ADGRV1: variants seen among roughly 807,000 people sequenced by gnomAD.
ADGRV1 encodes the protein G-protein coupled receptor 98.
ADGRV1 carries 359 observed loss-of-function variants against 596.2 expected under a neutral mutation model. The ratio of observed to expected loss-of-function variants is 0.60; its 90% CI spans 0.55 to 0.66. The LOEUF (loss-of-function observed/expected upper bound fraction) is 0.66. ADGRV1 is among the 30% of genes least tolerant of loss of function. ADGRV1 has a pLI of 0.00. For synonymous variants in ADGRV1, 2,681 were observed against 2,679.2 expected, an observed-to-expected ratio of 1.00 and a Z score of -0.02; for missense variants, 7,274 against 7,575.6, an observed-to-expected ratio of 0.96 and a Z score of 1.48.
chr5:91,021,943 T>C (rs1783664518), intron 85 of ADGRV1, among the ~76,000 whole-genome samples: 1 of 152,036 alleles, frequency 6.6e-6, no homozygotes, highest in Admixed American at 6.6e-5. Flanking sequence ...TTGTAACTGA[T>C]TGCCTACCTG....
At chr5:90,861,785 A>C (rs1283660694) in intron 82 of ADGRV1, among the ~76,000 whole-genome samples, 1 of 152,208 alleles carries the variant, frequency 6.6e-6, no homozygotes, top group East Asian at 1.9e-4. Context: ...ATAAAAGATA[A>C]GTATTTAGTA....
intron 83 of ADGRV1, among the ~76,000 whole-genome samples, chr5:90,919,349 A>G (rs937227225): frequency 6.6e-6 from 1 of 152,190 alleles, no homozygotes; most frequent in African/African-American, 2.4e-5. Context: ...GACAGATGGT[A>G]TTTAGATAGG....
At chr5:91,100,830 T>G (rs1791313170) in intron 86 of ADGRV1, among the ~76,000 whole-genome samples, 1 of 152,208 alleles carries the variant, frequency 6.6e-6, no homozygotes, top group African/African-American at 2.4e-5. Flanking sequence ...ATCCCTTCTG[T>G]GATTTCTAAC....
At chr5:90,698,942 C>T (rs1050117675) in intron 34 of ADGRV1, among the ~76,000 whole-genome samples, 1 of 152,014 alleles carries the variant, frequency 6.6e-6, no homozygotes, top group Non-Finnish European at 1.5e-5. Context: ...AGTTAGATCT[C>T]AAATGGGCCA....
intron 1 of ADGRV1, among the ~76,000 whole-genome samples, chr5:90,610,989 G>A (rs887832256): frequency 1.3e-5 from 2 of 151,834 alleles, no homozygotes; most frequent in African/African-American, 4.8e-5. Flanking sequence ...TTAAAGGAAA[G>A]TCTCCTAATT....
chr5:90,645,957 A>G lies in ADGRV1; in HGVS notation c.2899-11A>G. 1 of 1,579,174 alleles carries G rather than the reference A, an allele frequency of 6.3e-7. No homozygotes were observed. The highest frequency in any genetic ancestry group is 8.6e-7 in the Non-Finnish European group (1 of 1,162,422). On this transcript the variant is annotated splice_polypyrimidine_tract_variant and intron_variant, in intron 15 of 89. Coordinates refer to ENST00000405460, the MANE Select transcript of ADGRV1 (RefSeq NM_032119.4). ...AGTCACCTGACTTAAAACGTGTAACATTTTCCAAAGATTCCAGAAGAAATG... is the reference window on the plus strand; with the variant it reads ...AGTCACCTGACTTAAAACGTGTAACGTTTTCCAAAGATTCCAGAAGAAATG...
At chr5:90,976,954 C>T (rs1172888497) in intron 84 of ADGRV1, among the ~76,000 whole-genome samples, 1 of 152,134 alleles carries the variant, frequency 6.6e-6, no homozygotes, top group East Asian at 1.9e-4. Flanking sequence ...TACAGTTGTA[C>T]TTGAGCATTC....
chr5:91,013,986 G>A (rs770421077), intron 85 of ADGRV1, among the ~76,000 whole-genome samples: 2 of 151,596 alleles, frequency 1.3e-5, no homozygotes, highest in Non-Finnish European at 2.9e-5. Context: ...GGTATGTTTT[G>A]GTCAGCTTAG....
intron 1 of ADGRV1, among the ~76,000 whole-genome samples, chr5:90,577,917 C>A (rs936781068): frequency 1.3e-5 from 2 of 150,806 alleles, no homozygotes; most frequent in Non-Finnish European, 3.0e-5. Flanking sequence ...GGCTCTCTGT[C>A]TATTATTGGT....
At chr5:90,806,170 A>G (rs950956181) in intron 72 of ADGRV1, among the ~76,000 whole-genome samples, 3 of 152,190 alleles carry the variant, frequency 2.0e-5, no homozygotes, top group African/African-American at 7.2e-5. Flanking sequence ...ATAAGAAGGA[A>G]TGAAAGCTAA....
At chr5:90,780,453 A>G in intron 64 of ADGRV1, among the ~76,000 whole-genome samples, 1 of 152,168 alleles carries the variant, frequency 6.6e-6, no homozygotes, top group Middle Eastern at 3.2e-3. Flanking sequence ...TGGGAATTGA[A>G]GGAAGGACTA....
chr5:91,149,310 G>A (rs2126888003), intron 87 of ADGRV1, among the ~76,000 whole-genome samples: 1 of 152,338 alleles, frequency 6.6e-6, no homozygotes, highest in East Asian at 1.9e-4. Flanking sequence ...GCAGGACCAG[G>A]TGGAAATAAT....
At chr5:91,035,444 A>G in intron 85 of ADGRV1, among the ~76,000 whole-genome samples, 1 of 152,062 alleles carries the variant, frequency 6.6e-6, no homozygotes, top group East Asian at 1.9e-4. Flanking sequence ...TTTTAGAATG[A>G]TTTTTCAACT....
At chr5:90,880,047 T>C (rs1769607043) in intron 83 of ADGRV1, among the ~76,000 whole-genome samples, 1 of 152,142 alleles carries the variant, frequency 6.6e-6, no homozygotes, top group African/African-American at 2.4e-5. Flanking sequence ...AGAGAAGTAA[T>C]GGTATTATTA....
chr5:91,121,035 A>G (rs1011801522), intron 87 of ADGRV1, among the ~76,000 whole-genome samples: 9 of 152,062 alleles, frequency 5.9e-5, no homozygotes, highest in Non-Finnish European at 1.2e-4. Flanking sequence ...TTAGCCTGGC[A>G]TGGTAGCAGA....
intron 85 of ADGRV1, among the ~76,000 whole-genome samples, chr5:91,020,395 C>A (rs1783537542): frequency 6.6e-6 from 1 of 152,018 alleles, no homozygotes; most frequent in Non-Finnish European, 1.5e-5. Context: ...TTACATATGA[C>A]TTTTCATTTT....
At chr5:91,006,474 C>T (rs1402304092) in intron 85 of ADGRV1, among the ~76,000 whole-genome samples, 1 of 152,154 alleles carries the variant, frequency 6.6e-6, no homozygotes, top group Non-Finnish European at 1.5e-5. Flanking sequence ...AGACATACCT[C>T]TCTAATTTTT....
At chr5:90,758,530 C>T (rs1756092611) in intron 57 of ADGRV1, among the ~76,000 whole-genome samples, 1 of 152,128 alleles carries the variant, frequency 6.6e-6, no homozygotes, top group Non-Finnish European at 1.5e-5. Context: ...AATTCACATC[C>T]TCTAGGGAAG....
intron 86 of ADGRV1, chr5:91,091,808 C>T (rs1790408310): frequency 6.6e-6 from 1 of 152,042 alleles, no homozygotes; most frequent in Non-Finnish European, 1.5e-5. Flanking sequence ...GCTAGCCTTC[C>T]TCCACCTTTT....
Sources: gnomAD v4.1 joint callset for allele counts (sites outside exome capture counted in the v4.1 genomes callset) on GRCh38, gnomAD v4.1.1 for gene constraint, MANE v1.5 for transcripts, NCBI Gene and HGNC (gene_info 2026-07-23, HGNC 2026-07-21) for gene names.